SLC66A2: variants seen among roughly 807,000 people sequenced by gnomAD.
SLC66A2 encodes the protein solute carrier family 66 member 2, also known as PQ loop repeat containing 1.
Under a neutral mutation model 25.5 loss-of-function variants are expected in SLC66A2, and 23 were observed. The ratio of observed to expected loss-of-function variants is 0.90; its 90% CI spans 0.65 to 1.28. SLC66A2 has a LOEUF of 1.28. SLC66A2 is among the 50% of genes most tolerant of loss of function. SLC66A2 has a pLI of 0.00. For synonymous variants in SLC66A2, 193 were observed against 166.5 expected (o/e 1.16, Z -1.23); for missense variants, 396 against 373.1 (o/e 1.06, Z -0.51).
chr18:79,919,590 G>T (rs868323597), intron 4 of SLC66A2, among the ~76,000 whole-genome samples, 190 bp from the exon 5 acceptor site: 1 of 11,712 alleles, frequency 8.5e-5, no homozygotes, highest in African/African-American at 1.1e-4. Flanking sequence ...GGAGAGACGG[G>T]AACCGAGGGA....
At chr18:79,912,647 T>G (rs529411020) in intron 5 of SLC66A2, among the ~76,000 whole-genome samples, 1 of 152,208 alleles carries the variant, frequency 6.6e-6, no homozygotes, top group Admixed American at 6.5e-5. Flanking sequence ...TGGGAATGAC[T>G]GCCAGTGGCC....
Position 79,943,348 on chromosome 18 carries a change from G to A in SLC66A2, c.318C>T (p.Ala106=), listed in dbSNP as rs762266906. ...TEVRVANELN[A]RRRSFTAADS... ...ACCAACCTGTAAAGGAGCGGCGCCT[G>A]GCGTTGAGCTCGTTGGCCACACGGA... is the stretch of plus-strand genomic sequence containing the variant. The change falls in exon 3 of 6, where the codon GCC becomes GCT. Residue 106 remains alanine (A), a synonymous_variant. Coordinates refer to ENST00000397778, the MANE Select transcript of SLC66A2 (RefSeq NM_025078.5). 6.2e-7 allele frequency: 1 copy of A among 1,614,172 alleles called. No homozygotes were observed. The highest frequency in any genetic ancestry group is 8.5e-7 in the Non-Finnish European group (1 of 1,180,022).
intron 2 of SLC66A2, among the ~76,000 whole-genome samples, chr18:79,950,444 T>A (rs572535212): frequency 1.5e-4 from 23 of 152,216 alleles, no homozygotes; most frequent in Non-Finnish European, 2.6e-4. Flanking sequence ...AGTGCCCAGC[T>A]GAGAGGTCCC....
chr18:79,904,994 A>G lies in SLC66A2; in HGVS notation c.609-811T>C, dbSNP rs1342617563. Reference sequence around the variant, plus strand: ...GGGGCGTCCGTCCCGCTCATAAGCCAGGGTGGGCACCTGGGTGCCGTAGCC... The same window carrying G: ...GGGGCGTCCGTCCCGCTCATAAGCCGGGGTGGGCACCTGGGTGCCGTAGCC... On this transcript the variant is annotated intron_variant, in intron 5 of 5. Coordinates refer to ENST00000397778, the MANE Select transcript of SLC66A2 (RefSeq NM_025078.5). This position sits in a 1 kb window ranked among gnomAD's most constrained non-coding sequence, Gnocchi z 6.3. 4.6e-5 allele frequency among the ~76,000 whole-genome samples: 7 copies of G among 152,300 alleles called. No homozygotes were observed.
intron 5 of SLC66A2, 77 bp downstream of exon 5, chr18:79,919,107 G>T: frequency 7.6e-7 from 1 of 1,310,128 alleles, no homozygotes; most frequent in Non-Finnish European, 1.1e-6. Context: ...ACACACAGGC[G>T]TTTGATTTTT....
At position 79,940,173 on chromosome 18, in the gene SLC66A2, T is replaced by C. The variant is rs1212080414; in HGVS notation, c.337+3156A>G. Among the ~76,000 whole-genome samples, 1 of 151,994 alleles carries C rather than the reference T, an allele frequency of 6.6e-6. No individual in the cohort carries two copies. The highest frequency in any genetic ancestry group is 1.5e-5 in the Non-Finnish European group (1 of 68,026). On this transcript the variant is annotated intron_variant, in intron 3 of 5. Transcript: ENST00000397778. This position sits in a 1 kb window ranked among gnomAD's most constrained non-coding sequence, Gnocchi z 4.1. ...CATGTTCTCACGTGTAAGTGGGAGCTAAATGATGAGAACACATGGACACAC... is the reference window on the plus strand; with the variant it reads ...CATGTTCTCACGTGTAAGTGGGAGCCAAATGATGAGAACACATGGACACAC...
chr18:79,948,011 C>A (rs73971314), intron 2 of SLC66A2, among the ~76,000 whole-genome samples: 1,642 of 152,272 alleles, frequency 0.011, 24 homozygotes, highest in African/African-American at 0.038. Flanking sequence ...GAACGAGCGC[C>A]CTCTGCTCTC....
At chr18:79,916,529 C>T (rs1984185839) in intron 5 of SLC66A2, among the ~76,000 whole-genome samples, 1 of 152,252 alleles carries the variant, frequency 6.6e-6, no homozygotes, top group Non-Finnish European at 1.5e-5. Flanking sequence ...GTTCACGTCG[C>T]ACCCTTAGGT....
intron 4 of SLC66A2, among the ~76,000 whole-genome samples, chr18:79,931,514 A>G (rs1488433192): frequency 6.6e-6 from 1 of 152,236 alleles, no homozygotes; most frequent in Non-Finnish European, 1.5e-5. Flanking sequence ...ACAGAAGTGA[A>G]AAGAGAAAAA....
chr18:79,931,908 T>C lies in SLC66A2; in HGVS notation c.391+2061A>G, dbSNP rs373074786. ...GGCACACACCTATAGTCCCAGCTAC[T>C]TGGGAGGCTGAGGCACAGGAATTGC... On this transcript the variant is annotated intron_variant, in intron 4 of 5. Coordinates refer to ENST00000397778, the MANE Select transcript of SLC66A2 (RefSeq NM_025078.5). 3.9e-5 allele frequency among the ~76,000 whole-genome samples: 6 copies of C among 152,126 alleles called. No individual in the cohort carries two copies. In the East Asian group the frequency reaches 5.8e-4, roughly 15 times the overall value.
chr18:79,939,021 T>C (rs1987394661), intron 3 of SLC66A2, among the ~76,000 whole-genome samples: 1 of 152,236 alleles, frequency 6.6e-6, no homozygotes, highest in Non-Finnish European at 1.5e-5. Context: ...ATGTCTACCA[T>C]GAGCATGCAC....
intron 4 of SLC66A2, among the ~76,000 whole-genome samples, chr18:79,928,894 G>A (rs578159339): frequency 5.3e-4 from 81 of 152,198 alleles, no homozygotes; most frequent in Non-Finnish European, 8.8e-5. Flanking sequence ...CACACAAGCA[G>A]GGGCAAACTA....
intron 2 of SLC66A2, 68 bp downstream of exon 2, chr18:79,950,656 A>C: frequency 1.9e-6 from 3 of 1,546,214 alleles, no homozygotes; most frequent in Non-Finnish European, 1.8e-6. Flanking sequence ...CCCCGGCCTC[A>C]ACCAGAAACC....
chr18:79,951,630 C>A lies in SLC66A2; in HGVS notation c.-149G>T. The stretch of plus-strand genomic sequence containing the variant: ...CGCCCCGCGTCCCCGCGCCGCTGAC[C>A]CGCGCGCGTCTCGGCGTCAGTCCGC... On this transcript the variant is annotated 5_prime_UTR_variant, in exon 1 of 6. Coordinates refer to ENST00000397778, the MANE Select transcript of SLC66A2 (RefSeq NM_025078.5). 1 of 151,776 alleles carries A rather than the reference C, an allele frequency of 6.6e-6. No homozygotes were observed. The highest frequency in any genetic ancestry group is 1.8e-4 in the South Asian group (1 of 5,548). 9.4% of individuals were successfully genotyped at this position (151,776 alleles called of 1,614,324 possible). A position where few individuals can be genotyped will look rare whatever the true frequency, so the allele number is the denominator to read the frequency against.
At position 79,943,434 on chromosome 18, in the gene SLC66A2, G is replaced by A. The variant is rs567337435; in HGVS notation, c.232C>T (p.Leu78=). The part of the protein sequence containing the change: ...WFGRRFESPL[L]WQSAIMILTM... ...AGGATCATGATGGCGCTCTGCCACA[G>A]CAGCGGGGACTCAAAGCGCCTTCCA... The change falls in exon 3 of 6, where the codon CTG becomes TTG. Residue 78 remains leucine (L), a synonymous_variant. Coordinates refer to ENST00000397778, the MANE Select transcript of SLC66A2 (RefSeq NM_025078.5). 626 of 1,614,132 alleles carry A rather than the reference G, an allele frequency of 3.9e-4. 6 individuals are homozygous for A. In the South Asian group the frequency reaches 6.0e-3, roughly 15 times the overall value.
rs961590416 is a variant in SLC66A2 at position 79,918,480 on chromosome 18, C to CG, written c.608+703dup. 1.9e-4 allele frequency among the ~76,000 whole-genome samples: 29 copies of CG among 149,328 alleles called. No individual in the cohort carries two copies. Among genetic ancestry groups the CG allele is most frequent in the South Asian group, 8.6e-4 (4 of 4,666 alleles). On this transcript the variant is annotated intron_variant, in intron 5 of 5. Coordinates refer to ENST00000397778, the MANE Select transcript of SLC66A2 (RefSeq NM_025078.5). The surrounding 1 kb of genome is among the most constrained non-coding windows in gnomAD (Gnocchi z 4.0). ...GAGGGTCCCCAGTGAGGAGCGGCACCGGGGGGTCCCCAGTGAGGAGCGGGC... is the reference window on the plus strand; with the variant it reads ...GAGGGTCCCCAGTGAGGAGCGGCACCGGGGGGGTCCCCAGTGAGGAGCGGGC...
At chr18:79,925,490 T>G (rs1162196655) in intron 4 of SLC66A2, among the ~76,000 whole-genome samples, 2 of 152,170 alleles carry the variant, frequency 1.3e-5, no homozygotes, top group African/African-American at 4.8e-5. Context: ...GTTTCCAGGC[T>G]TGGGGGGCTC....
At position 79,919,266 on chromosome 18, in the gene SLC66A2, A is replaced by C. The variant is rs1984679303; in HGVS notation, c.526T>G (p.Phe176Val). 1 of 1,613,346 alleles carries C rather than the reference A, an allele frequency of 6.2e-7. No individual in the cohort carries two copies. Among genetic ancestry groups the C allele is most frequent in the Non-Finnish European group, 8.5e-7 (1 of 1,180,018 alleles). Residue 176 changes from phenylalanine (F) to valine (V), a missense_variant, in exon 5 of 6, where the codon TTC becomes GTC. By Grantham distance (50) the Phe-to-Val change is conservative. Coordinates refer to ENST00000397778, the MANE Select transcript of SLC66A2 (RefSeq NM_025078.5). ...ATGGCTTCGGTCAGCACAGCCAGGA[A>C]GCCCAGGGTCTCCACAAACAGGGCG... ...DSALFVETLG[F>V]LAVLTEAMLG...
chr18:79,907,099 T>C (rs1008513551), intron 5 of SLC66A2, among the ~76,000 whole-genome samples: 4 of 152,140 alleles, frequency 2.6e-5, no homozygotes, highest in African/African-American at 9.7e-5. Context: ...GGTAGCTGAG[T>C]CTTGTGTTTC....
Sources: allele counts gnomAD v4.1 joint callset (sites outside exome capture counted in the v4.1 genomes callset), GRCh38; gene constraint gnomAD v4.1.1; non-coding constraint Gnocchi (gnomAD v3.1); transcripts MANE v1.5; gene names NCBI Gene and HGNC (gene_info 2026-07-23, HGNC 2026-07-21).